Variants in GRM8 observed in about 807,000 individuals in gnomAD.
The protein encoded by GRM8 is glutamate metabotropic receptor 8, also known as metabotropic glutamate receptor 8.
GRM8 carries 47 observed loss-of-function variants against 87.2 expected under a neutral mutation model. That is an observed-to-expected ratio of 0.54 (90% confidence interval 0.43 to 0.69). The LOEUF is 0.69. Ranked by LOEUF, GRM8 falls within the 30% of genes least tolerant of loss-of-function variation. The pLI, the probability that GRM8 is intolerant of heterozygous loss-of-function variation, is 0.00. For synonymous variants in GRM8, 396 were observed against 404.5 expected, an observed-to-expected ratio of 0.98 and a Z score of 0.25; for missense variants, 1,019 against 1,139.2, an observed-to-expected ratio of 0.89 and a Z score of 1.52.
At chr7:126,765,745 A>G (rs1818129082) in intron 7 of GRM8, among the ~76,000 whole-genome samples, 1 of 152,236 alleles carries the variant, frequency 6.6e-6, no homozygotes, top group African/African-American at 2.4e-5. Context: ...GCAGCAATAA[A>G]AGTAACCCTA....
chr7:126,553,618 C>T (rs148374097), intron 8 of GRM8, among the ~76,000 whole-genome samples: 51 of 152,212 alleles, frequency 3.4e-4, no homozygotes, highest in Non-Finnish European at 6.5e-4. Flanking sequence ...CCCTCTAGTA[C>T]ATCTAATACA....
intron 2 of GRM8, among the ~76,000 whole-genome samples, chr7:127,199,057 T>A (rs1480678456): frequency 6.6e-6 from 1 of 152,096 alleles, no homozygotes; most frequent in African/African-American, 2.4e-5. Flanking sequence ...GTCAGGCTGG[T>A]CTTGAACTAC....
At chr7:127,120,979 A>G (rs937372257) in intron 2 of GRM8, among the ~76,000 whole-genome samples, 1 of 152,220 alleles carries the variant, frequency 6.6e-6, no homozygotes. Context: ...CTTTTTAAAT[A>G]TATTTCTTAC....
chr7:126,712,142 CT>C (rs2151428003), intron 7 of GRM8, among the ~76,000 whole-genome samples: 1 of 152,234 alleles, frequency 6.6e-6, no homozygotes, highest in African/African-American at 2.4e-5. Flanking sequence ...GTGATTCTTC[CT>C]TTCAATTGAA....
chr7:126,541,676 C>T (rs1816558265), intron 8 of GRM8, among the ~76,000 whole-genome samples: 1 of 152,158 alleles, frequency 6.6e-6, no homozygotes, highest in Admixed American at 6.6e-5. Context: ...ATGGCAATGG[C>T]CATGGGAAAA....
intron 2 of GRM8, among the ~76,000 whole-genome samples, chr7:127,109,916 C>T (rs560492047): frequency 6.6e-6 from 1 of 152,212 alleles, no homozygotes; most frequent in Non-Finnish European, 1.5e-5. Flanking sequence ...TAGGAGGCTG[C>T]TCTCTATGAC....
At chr7:126,637,373 G>T (rs906374007) in intron 7 of GRM8, among the ~76,000 whole-genome samples, 1 of 152,058 alleles carries the variant, frequency 6.6e-6, no homozygotes, top group Non-Finnish European at 1.5e-5. Context: ...GAGATGAGTA[G>T]TAGTGATGGT....
chr7:126,571,231 T>C (rs776531334), intron 8 of GRM8, among the ~76,000 whole-genome samples: 12 of 152,150 alleles, frequency 7.9e-5, no homozygotes, highest in Non-Finnish European at 1.8e-4. Flanking sequence ...TAGAAGTCCA[T>C]AGGTTGATAG....
At chr7:126,771,776 T>C (rs1292207938) in intron 6 of GRM8, among the ~76,000 whole-genome samples, 1 of 152,108 alleles carries the variant, frequency 6.6e-6, no homozygotes, top group Non-Finnish European at 1.5e-5. Context: ...AGGCTATCTC[T>C]GCAGGGGATT....
In GRM8 at chr7:127,203,498, A is replaced by T. The variant is rs567182559; in HGVS notation, c.510+39197T>A. 7.2e-5 allele frequency among the ~76,000 whole-genome samples: 11 copies of T among 152,308 alleles called. No homozygotes were observed. In the East Asian group the frequency reaches 1.4e-3, roughly 19 times the overall value. On this transcript the variant is annotated intron_variant, in intron 2 of 10. Transcript: ENST00000339582. ...CAAGGCGGGTGAATCACCTGAGGTG[A>T]AGAGTTTGAGACTCACCTGGCCAAC...
At chr7:127,036,224 G>A (rs1360428894) in intron 3 of GRM8, among the ~76,000 whole-genome samples, 1 of 151,986 alleles carries the variant, frequency 6.6e-6, no homozygotes, top group African/African-American at 2.4e-5. Context: ...AAAAAACTGA[G>A]GTATAGAGGA....
intron 8 of GRM8, among the ~76,000 whole-genome samples, chr7:126,603,993 AT>A (rs999121444): frequency 7.5e-6 from 1 of 132,982 alleles, no homozygotes; most frequent in African/African-American, 2.5e-5. Flanking sequence ...TGATTTTTGC[AT>A]TAAAAAAAAA....
chr7:126,769,769 G>T, intron 7 of GRM8, 96 bp downstream of exon 7: 2 of 748,572 alleles, frequency 2.7e-6, no homozygotes, highest in Non-Finnish European at 2.3e-6. Flanking sequence ...TTCTAATCCT[G>T]TGTTTTCCAC....
At chr7:126,745,613 T>C (rs1815569962) in intron 7 of GRM8, among the ~76,000 whole-genome samples, 1 of 151,708 alleles carries the variant, frequency 6.6e-6, no homozygotes, top group Non-Finnish European at 1.5e-5. Context: ...TTCCCCCTAA[T>C]ATTAACACTA....
chr7:126,737,308 ACT>A (rs1275941076), intron 7 of GRM8, among the ~76,000 whole-genome samples: 1 of 151,916 alleles, frequency 6.6e-6, no homozygotes, highest in African/African-American at 2.4e-5. Context: ...CAAGGAACTG[ACT>A]CAGTGCAAGA....
chr7:126,653,277 G>A (rs1290971510), intron 7 of GRM8, among the ~76,000 whole-genome samples: 4 of 137,596 alleles, frequency 2.9e-5, no homozygotes, highest in Non-Finnish European at 6.1e-5. Context: ...TCCATCCTGG[G>A]TGACAGAGTG....
intron 7 of GRM8, among the ~76,000 whole-genome samples, chr7:126,717,710 A>C (rs2299497): frequency 0.24 from 37,191 of 152,066 alleles, 4,863 homozygotes; most frequent in East Asian, 0.35. Context: ...TAAAAACATA[A>C]AAATTTAGGA....
At chr7:126,521,548 T>C (rs1441372585) in intron 9 of GRM8, among the ~76,000 whole-genome samples, 3 of 152,120 alleles carry the variant, frequency 2.0e-5, no homozygotes, top group Non-Finnish European at 4.4e-5. Flanking sequence ...ACTCAATATA[T>C]TACTTTAAAA....
At chr7:127,128,021 G>A (rs760197942) in intron 2 of GRM8, among the ~76,000 whole-genome samples, 4 of 151,922 alleles carry the variant, frequency 2.6e-5, no homozygotes, top group African/African-American at 4.8e-5. Context: ...TGCCCCATTA[G>A]CTCTTACTCA....
Sources: gnomAD v4.1 joint callset for allele counts (sites outside exome capture counted in the v4.1 genomes callset) on GRCh38, gnomAD v4.1.1 for gene constraint, MANE v1.5 for transcripts, NCBI Gene and HGNC (gene_info 2026-07-23, HGNC 2026-07-21) for gene names.